The following CCT2 variants were observed in gnomAD, a reference collection of about 807,000 sequenced individuals.
The protein encoded by CCT2 is chaperonin containing TCP1 subunit 2.
Under a neutral mutation model 61.8 loss-of-function variants are expected in CCT2, and 18 were observed. The observed-to-expected ratio is 0.29, with a 90% confidence interval of 0.20 to 0.43. The LOEUF (loss-of-function observed/expected upper bound fraction) is 0.43, where lower values mean the gene tolerates loss of function less well. CCT2 is among the 20% of genes least tolerant of loss of function. The probability of loss-of-function intolerance (pLI) is 1.00; values close to 1 mark genes in which losing one functional copy is unlikely to be tolerated. For missense variants in CCT2, 556 were observed against 656.9 expected, an observed-to-expected ratio of 0.85 and a Z score of 1.68; for synonymous variants, 248 against 215.9, an observed-to-expected ratio of 1.15 and a Z score of -1.30.
At chr12:69,591,921 T>A in intron 7 of CCT2, 138 bp from the exon 8 acceptor site, 1 of 522,548 alleles carries the variant, frequency 1.9e-6, no homozygotes, top group Non-Finnish European at 3.5e-6. Flanking sequence ...CTTGCTTTTA[T>A]GCCTTCTAAG....
rs899464150 is a variant in CCT2, at chr12:69,586,770, C to T, written c.96C>T (p.Ala32=). The T allele has an allele frequency of 2.5e-6, 4 of 1,600,418 alleles. No individual in the cohort carries two copies. The highest frequency in any genetic ancestry group is 3.4e-6 in the Non-Finnish European group (4 of 1,175,054). ...TACTCCAGACTTCTTTTATTGGTGC[C>T]ATCGCCATTGGAGACTTGGTAAAGA... The part of the protein sequence containing the change: ...ETARLTSFIG[A]IAIGDLVKST... The change falls in exon 3 of 16, where the codon GCC becomes GCT. Residue 32 remains alanine, a synonymous_variant. Coordinates refer to ENST00000299300, the MANE Select transcript of CCT2 (RefSeq NM_006431.3).
rs181813092 is a variant in CCT2, at chr12:69,586,433, C to T, written c.78+89C>T. On this transcript the variant is annotated intron_variant, in intron 2 of 15. Transcript: ENST00000299300. ...CTGTAATCCCAGTACTTTGGGAGGCCGAGGTAGGCGGATGAACTGAGGTCA... is the reference window on the plus strand; with the variant it reads ...CTGTAATCCCAGTACTTTGGGAGGCTGAGGTAGGCGGATGAACTGAGGTCA... 7.2e-5 allele frequency: 66 copies of T among 917,288 alleles called. No homozygotes were observed. The East Asian group carries it at 1.4e-3, about 20-fold the overall frequency. 56.8% of individuals were successfully genotyped at this position (917,288 alleles called of 1,614,324 possible).
chr12:69,599,746 G>GT (rs1390503539), intron 14 of CCT2, 117 bp from the exon 15 acceptor site: 4 of 778,558 alleles, frequency 5.1e-6, no homozygotes, highest in Non-Finnish European at 7.9e-6. Context: ...TACCTACTGA[G>GT]TAAAGTAGTT....
chr12:69,594,231 T>G (rs1051385519), intron 10 of CCT2, among the ~76,000 whole-genome samples: 2 of 152,212 alleles, frequency 1.3e-5, no homozygotes, highest in Non-Finnish European at 2.9e-5. Context: ...AAGTCTTAAG[T>G]CTACTTACAT....
At chr12:69,592,749 G>C (rs1055363499) in intron 8 of CCT2, 1 of 367,408 alleles carries the variant, frequency 2.7e-6, no homozygotes, top group African/African-American at 2.1e-5. Flanking sequence ...GTGAGATGGT[G>C]AAACCCTGTC....
chr12:69,589,011 C>G (rs1162613959), intron 6 of CCT2, among the ~76,000 whole-genome samples: 1 of 152,282 alleles, frequency 6.6e-6, no homozygotes, highest in Non-Finnish European at 1.5e-5. Context: ...TGACTGCAAC[C>G]TCTGCCTCCC....
At chr12:69,593,722 T>G in intron 10 of CCT2, 109 bp downstream of exon 10, 2 of 615,832 alleles carry the variant, frequency 3.2e-6, no homozygotes, top group Non-Finnish European at 2.9e-6. Context: ...CAGCAGTTAT[T>G]CTGAAATCTA....
Position 69,593,022 on chromosome 12 carries a change from A to G in CCT2, c.797A>G (p.Glu266Gly). The change falls in exon 9 of 16, where the codon GAA becomes GGA. Residue 266 changes from glutamate (E) to glycine (G), a missense_variant. Physicochemically the swap from Glu to Gly is moderately conservative, Grantham distance 98. Coordinates refer to ENST00000299300, the MANE Select transcript of CCT2 (RefSeq NM_006431.3). ...GTTGACTCTACAGCAAAGGTTGCAG[A>G]AATAGAACATGCGGAAAAGGAAAAA... ...VRVDSTAKVA[E>G]IEHAEKEKMK... 6.2e-7 allele frequency: 1 copy of G among 1,613,836 alleles called. No individual in the cohort carries two copies. The highest frequency in any genetic ancestry group is 8.5e-7 in the Non-Finnish European group (1 of 1,179,696).
intron 1 of CCT2, 79 bp downstream of exon 1, chr12:69,585,603 T>C: frequency 6.5e-7 from 1 of 1,549,070 alleles, no homozygotes; most frequent in East Asian, 2.4e-5. Flanking sequence ...TCTGTCCTGC[T>C]AGGGTCGTAG....
At chr12:69,597,564 A>G (rs1882026626) in intron 11 of CCT2, 74 bp from the exon 12 acceptor site, 3 of 1,481,600 alleles carry the variant, frequency 2.0e-6, no homozygotes, top group African/African-American at 1.4e-5. Flanking sequence ...ACCCAGTAAT[A>G]TAACCAACAC....
chr12:69,594,993 G>A (rs1555197584), intron 10 of CCT2, among the ~76,000 whole-genome samples: 7 of 152,176 alleles, frequency 4.6e-5, no homozygotes, highest in Non-Finnish European at 8.8e-5. Flanking sequence ...TGGAAAATAA[G>A]TTTAACACTT....
chr12:69,599,923 T>G lies in CCT2; in HGVS notation c.1496T>G (p.Val499Gly). The change falls in exon 15 of 16, where the codon GTG (valine) becomes GGG (glycine). Residue 499 changes from valine (V) to glycine (G), a missense_variant. Physicochemically the swap from Val to Gly is moderately radical, Grantham distance 109. Coordinates refer to ENST00000299300, the MANE Select transcript of CCT2 (RefSeq NM_006431.3). ...AILGITESFQ[V>G]KRQVLLSAAE... The stretch of plus-strand genomic sequence containing the variant: ...CTGGGTATAACAGAAAGTTTTCAAG[T>G]GAAGCGACAGGTTCTTCTGAGTGCA... The G allele has an allele frequency of 6.2e-7, 1 of 1,614,076 alleles. No individual in the cohort carries two copies. Among genetic ancestry groups the G allele is most frequent in the Non-Finnish European group, 8.5e-7 (1 of 1,179,926 alleles).
intron 10 of CCT2, 70 bp from the exon 11 acceptor site, chr12:69,597,086 T>G: frequency 2.8e-6 from 4 of 1,438,658 alleles, no homozygotes; most frequent in Non-Finnish European, 3.9e-6. Flanking sequence ...TATCTATCCA[T>G]TACTGCTTAT....
intron 10 of CCT2, among the ~76,000 whole-genome samples, chr12:69,595,362 GT>G (rs1881955689): frequency 1.3e-5 from 2 of 152,276 alleles, no homozygotes; most frequent in African/African-American, 4.8e-5. Context: ...AGATGCTCAT[GT>G]TTATGTAATT....
chr12:69,585,873 A>T, intron 1 of CCT2: 2 of 1,296,018 alleles, frequency 1.5e-6, no homozygotes, highest in Non-Finnish European at 9.8e-7. Flanking sequence ...CTGAGCCATC[A>T]GAGGGTGGAG....
intron 7 of CCT2, among the ~76,000 whole-genome samples, chr12:69,590,476 G>A (rs1161335383): frequency 6.6e-6 from 1 of 152,090 alleles, no homozygotes; most frequent in African/African-American, 2.4e-5. Flanking sequence ...TGTTTAGAGT[G>A]AAGTTTTCCA....
chr12:69,589,300 T>C, intron 6 of CCT2, 185 bp from the exon 7 acceptor site: 1 of 587,460 alleles, frequency 1.7e-6, no homozygotes, highest in Non-Finnish European at 3.0e-6. Context: ...TTTGGCATTT[T>C]GCCAGTTTGG....
chr12:69,594,701 G>C (rs1046458020), intron 10 of CCT2, among the ~76,000 whole-genome samples: 3 of 152,092 alleles, frequency 2.0e-5, no homozygotes, highest in African/African-American at 7.2e-5. Context: ...CAAAAAATTA[G>C]CTGGGCGTGG....
chr12:69,601,330 TC>T lies in CCT2; in HGVS notation c.*8del. On this transcript the variant is annotated 3_prime_UTR_variant, in exon 16 of 16. Coordinates refer to ENST00000299300, the MANE Select transcript of CCT2 (RefSeq NM_006431.3). ...CCTGATCACCACCCCTGTTAAGCAT[TC>T]CCACGTGCTGTCGATCTTTGGACCA... is the stretch of plus-strand genomic sequence containing the variant. The T allele has an allele frequency of 6.2e-7, 1 of 1,613,216 alleles. No individual in the cohort carries two copies. The highest frequency in any genetic ancestry group is 8.5e-7 in the Non-Finnish European group (1 of 1,179,766).
Sources: allele counts gnomAD v4.1 joint callset (sites outside exome capture counted in the v4.1 genomes callset), GRCh38; gene constraint gnomAD v4.1.1; transcripts MANE v1.5; gene names NCBI Gene and HGNC (gene_info 2026-07-23, HGNC 2026-07-21).